CEP128: variants seen among roughly 807,000 people sequenced by gnomAD.
CEP128 encodes centrosomal protein 128.
A neutral mutation model predicts 156.7 loss-of-function variants in CEP128; 132 were observed. The observed-to-expected ratio is 0.84, with a 90% confidence interval of 0.73 to 0.97. The LOEUF is 0.97. Ranked by LOEUF, CEP128 falls within the 50% of genes least tolerant of loss-of-function variation. The pLI is 0.00. For synonymous variants in CEP128, 469 were observed against 448.9 expected (o/e 1.04, Z -0.57); for missense variants, 1,252 against 1,281.9 (o/e 0.98, Z 0.36).
intron 19 of CEP128, among the ~76,000 whole-genome samples, chr14:80,602,667 G>A (rs978347099): frequency 6.6e-6 from 1 of 152,172 alleles, no homozygotes; most frequent in African/African-American, 2.4e-5. Context: ...TAGCTACTCA[G>A]GAGGCTGAGG....
At chr14:80,959,254 G>C (rs1408038701) in intron 1 of CEP128, among the ~76,000 whole-genome samples, 1 of 152,060 alleles carries the variant, frequency 6.6e-6, no homozygotes, top group Non-Finnish European at 1.5e-5. Flanking sequence ...GAACATTCTA[G>C]AATCTTTGAT....
intron 2 of CEP128, among the ~76,000 whole-genome samples, chr14:80,931,031 G>A (rs755066518): frequency 6.6e-6 from 1 of 152,208 alleles, no homozygotes. Context: ...ATGAGTCATC[G>A]TGGTATGCAA....
At chr14:80,937,783 AAT>A (rs1264286345) in intron 2 of CEP128, among the ~76,000 whole-genome samples, 249 of 152,288 alleles carry the variant, frequency 1.6e-3, no homozygotes, top group African/African-American at 5.8e-3. Flanking sequence ...TATACATGCT[AAT>A]ATAGTTTTTA....
At chr14:80,664,809 C>A (rs1895545650) in intron 19 of CEP128, among the ~76,000 whole-genome samples, 1 of 152,252 alleles carries the variant, frequency 6.6e-6, no homozygotes, top group East Asian at 1.9e-4. Flanking sequence ...ACTTTAACAA[C>A]CGGAAACCAA....
intron 19 of CEP128, among the ~76,000 whole-genome samples, chr14:80,587,230 T>G (rs973517007): frequency 1.3e-5 from 2 of 152,166 alleles, no homozygotes; most frequent in African/African-American, 2.4e-5. Flanking sequence ...CACTGGTACA[T>G]ATCTGGATAT....
chr14:80,534,410 G>C lies in CEP128; in HGVS notation c.2881-3524C>G, dbSNP rs183589055. Among the ~76,000 whole-genome samples, 1,081 of 152,290 alleles carry C rather than the reference G, an allele frequency of 7.1e-3. 7 individuals carry two copies. The highest frequency in any genetic ancestry group is 9.0e-3 in the Non-Finnish European group (614 of 68,024). ...GAGATGTCATGAGGACCTATGTCAT[G>C]TTAATTCCCAGGGCAAAATACTTTG... On this transcript the variant is annotated intron_variant, in intron 21 of 24. Transcript: ENST00000555265.
chr14:80,935,113 G>A (rs561052552), intron 2 of CEP128, among the ~76,000 whole-genome samples: 4 of 152,238 alleles, frequency 2.6e-5, no homozygotes, highest in Admixed American at 6.5e-5. Flanking sequence ...GACTATTTCC[G>A]AAACCCAACT....
At position 80,625,072 on chromosome 14, in the gene CEP128, T is replaced by A. The variant is rs546730758; in HGVS notation, c.2807-44649A>T. Among the ~76,000 whole-genome samples the A allele has an allele frequency of 1.7e-3, 255 of 152,336 alleles. 2 individuals are homozygous for A. The highest frequency in any genetic ancestry group is 6.8e-3 in the Middle Eastern group (2 of 294). ...TAGTTTCAGGCCTTATGTTAAGTCT[T>A]TAATCCATTTTGAGTCAATATGTTT... On this transcript the variant is annotated intron_variant, in intron 19 of 24. Transcript: ENST00000555265.
intron 20 of CEP128, among the ~76,000 whole-genome samples, chr14:80,565,129 C>T (rs1890857762): frequency 6.6e-6 from 1 of 152,070 alleles, no homozygotes; most frequent in Admixed American, 6.6e-5. Flanking sequence ...AGAGTCTGAA[C>T]CTCCCCAAAT....
At chr14:80,755,108 G>A (rs375676621) in intron 18 of CEP128, among the ~76,000 whole-genome samples, 25 of 152,250 alleles carry the variant, frequency 1.6e-4, no homozygotes, top group Middle Eastern at 3.4e-3. Flanking sequence ...TGCCAGTGTG[G>A]CTGAAATATA....
intron 2 of CEP128, among the ~76,000 whole-genome samples, chr14:80,951,704 A>C (rs1471712355): frequency 6.6e-6 from 1 of 152,118 alleles, no homozygotes; most frequent in South Asian, 2.1e-4. Flanking sequence ...CAAACCAAAC[A>C]AAAGGCAGAG....
chr14:80,876,122 G>A (rs772910292), intron 8 of CEP128, among the ~76,000 whole-genome samples: 2 of 151,890 alleles, frequency 1.3e-5, no homozygotes, highest in Admixed American at 6.6e-5. Flanking sequence ...TAAAAGAAGA[G>A]ACAAAGAATA....
intron 18 of CEP128, among the ~76,000 whole-genome samples, chr14:80,744,604 G>A (rs1234710973): frequency 6.6e-6 from 1 of 152,102 alleles, no homozygotes; most frequent in Non-Finnish European, 1.5e-5. Context: ...AGGCATAACT[G>A]ACTCCCTCCT....
chr14:80,648,338 T>C (rs148621927), intron 19 of CEP128, among the ~76,000 whole-genome samples: 1 of 152,260 alleles, frequency 6.6e-6, no homozygotes, highest in African/African-American at 2.4e-5. Context: ...TTGACAGATA[T>C]TTTGGTAGAA....
intron 2 of CEP128, among the ~76,000 whole-genome samples, chr14:80,937,131 A>T (rs1251875232): frequency 6.6e-6 from 1 of 152,184 alleles, no homozygotes; most frequent in Non-Finnish European, 1.5e-5. Flanking sequence ...GAGCCTGGGC[A>T]ACACAGTGAG....
At position 80,526,881 on chromosome 14, in the gene CEP128, G is replaced by T; in HGVS notation, c.3060C>A (p.Thr1020=). The stretch of plus-strand genomic sequence containing the variant: ...TAAAGAAAATTACTTTGAAACTTTT[G>T]GTTCTGTACTTGGTGTCATCTTGGT... ...QHHQDDTKYR[T]KSFKGDRTFL... The change falls in exon 23 of 25, where the codon ACC becomes ACA. Residue 1020 remains threonine, a synonymous_variant. Transcript: ENST00000555265. 6.3e-7 allele frequency: 1 copy of T among 1,589,770 alleles called. No homozygotes were observed. The highest frequency in any genetic ancestry group is 8.6e-7 in the Non-Finnish European group (1 of 1,161,228).
chr14:80,525,889 T>C (rs1470721616), intron 23 of CEP128, among the ~76,000 whole-genome samples: 2 of 152,202 alleles, frequency 1.3e-5, no homozygotes, highest in East Asian at 1.9e-4. Flanking sequence ...GAAAGACGCT[T>C]CTTAGAATTA....
intron 19 of CEP128, among the ~76,000 whole-genome samples, chr14:80,670,375 T>C (rs1303890459): frequency 1.3e-5 from 2 of 152,202 alleles, no homozygotes; most frequent in African/African-American, 2.4e-5. Flanking sequence ...GATCTGTCTG[T>C]CTGTCTGTCT....
chr14:80,758,324 C>A (rs187855649), intron 17 of CEP128, among the ~76,000 whole-genome samples: 289 of 152,278 alleles, frequency 1.9e-3, no homozygotes, highest in Non-Finnish European at 3.2e-3. Context: ...GAGTACAAGA[C>A]CAGCCTGGCC....
Sources: gnomAD v4.1 joint callset for allele counts (sites outside exome capture counted in the v4.1 genomes callset) on GRCh38, gnomAD v4.1.1 for gene constraint, MANE v1.5 for transcripts, NCBI Gene and HGNC (gene_info 2026-07-23, HGNC 2026-07-21) for gene names.